The following SLC44A5 variants were observed in gnomAD, a reference collection of about 807,000 sequenced individuals.
SLC44A5 encodes choline transporter-like protein 5.
A neutral mutation model predicts 101.8 loss-of-function variants in SLC44A5; 57 were observed. The ratio of observed to expected loss-of-function variants is 0.56; its 90% CI spans 0.45 to 0.70. The LOEUF (loss-of-function observed/expected upper bound fraction) is 0.70, where lower values mean the gene tolerates loss of function less well. SLC44A5 is among the 30% of genes least tolerant of loss of function. SLC44A5 has a pLI of 0.00. For missense variants in SLC44A5, 737 were observed against 853.1 expected (o/e 0.86, Z 1.70); for synonymous variants, 281 against 290.9 (o/e 0.97, Z 0.35).
At chr1:75,279,411 C>T (rs1652202874) in intron 5 of SLC44A5, among the ~76,000 whole-genome samples, 1 of 152,150 alleles carries the variant, frequency 6.6e-6, no homozygotes, top group Non-Finnish European at 1.5e-5. Flanking sequence ...TCCACCCTAA[C>T]TCAAGCCTTC....
At chr1:75,466,655 T>TAAAAA (rs754658767) in intron 2 of SLC44A5, among the ~76,000 whole-genome samples, 3 of 88,482 alleles carry the variant, frequency 3.4e-5, no homozygotes, top group African/African-American at 4.7e-5. Flanking sequence ...GATGCCATCT[T>TAAAAA]AAAAAAAAAA....
intron 2 of SLC44A5, among the ~76,000 whole-genome samples, chr1:75,418,361 A>G (rs1433114098): frequency 6.6e-6 from 1 of 152,252 alleles, no homozygotes; most frequent in Non-Finnish European, 1.5e-5. Flanking sequence ...GCTTACAAAG[A>G]AAACGTAACT....
In SLC44A5 at chr1:75,203,843, A is replaced by G. The variant is rs1557515634; in HGVS notation, c.2048-10T>C. 1.9e-6 allele frequency: 3 copies of G among 1,545,568 alleles called. No homozygotes were observed. The highest frequency in any genetic ancestry group is 2.6e-6 in the Non-Finnish European group (3 of 1,144,226). On this transcript the variant is annotated splice_polypyrimidine_tract_variant and intron_variant, in intron 23 of 23. Coordinates refer to ENST00000370859, the MANE Select transcript of SLC44A5 (RefSeq NM_001130058.2). Reference sequence around the variant, plus strand: ...CTTTCTAAATCTTCCACTAGGAGGAAGAATGGTACAGAGTAAATATCAAAG... The same window carrying G: ...CTTTCTAAATCTTCCACTAGGAGGAGGAATGGTACAGAGTAAATATCAAAG...
At chr1:75,206,927 C>T (rs1646759305) in intron 23 of SLC44A5, among the ~76,000 whole-genome samples, 1 of 152,098 alleles carries the variant, frequency 6.6e-6, no homozygotes, top group African/African-American at 2.4e-5. Context: ...CTTCCTAAAT[C>T]CCTCCCACTC....
the SLC44A5 span, among the ~76,000 whole-genome samples, chr1:75,623,667 T>C: frequency 1.3e-5 from 2 of 152,106 alleles, no homozygotes; most frequent in Admixed American, 1.3e-4. Flanking sequence ...AGGACCAATG[T>C]GGCTGAAGCT....
chr1:75,277,559 CAG>C (rs1469453787), intron 5 of SLC44A5, among the ~76,000 whole-genome samples: 3 of 152,166 alleles, frequency 2.0e-5, no homozygotes, highest in South Asian at 4.1e-4. Context: ...AGCTTGTTAA[CAG>C]GGGGAAAACA....
At chr1:75,316,439 C>T (rs1655694518) in intron 4 of SLC44A5, among the ~76,000 whole-genome samples, 1 of 152,222 alleles carries the variant, frequency 6.6e-6, no homozygotes, top group Middle Eastern at 3.2e-3. Flanking sequence ...GTGAAGCAAT[C>T]ATTTGCCACA....
chr1:75,582,214 G>A, intron 1 of SLC44A5: 1 of 1,117,362 alleles, frequency 8.9e-7, no homozygotes, highest in Non-Finnish European at 1.3e-6. Flanking sequence ...CCAAGTTCCT[G>A]AGGAACATGC....
At chr1:75,418,600 G>T (rs1008038697) in intron 2 of SLC44A5, among the ~76,000 whole-genome samples, 7 of 152,094 alleles carry the variant, frequency 4.6e-5, no homozygotes, top group African/African-American at 1.4e-4. Flanking sequence ...GGAATAAAAG[G>T]ATTTAGCCAG....
At chr1:75,608,013 C>A (rs1390928604) in intron 1 of SLC44A5, among the ~76,000 whole-genome samples, 1 of 151,920 alleles carries the variant, frequency 6.6e-6, no homozygotes, top group Non-Finnish European at 1.5e-5. Flanking sequence ...TCCCACTCCC[C>A]CAGCCTTTGG....
At chr1:75,206,309 A>G (rs1646748124) in intron 23 of SLC44A5, 1 of 243,960 alleles carries the variant, frequency 4.1e-6, no homozygotes, top group Admixed American at 5.1e-5. Context: ...AAGAAAGGCT[A>G]TTAAAGTGCT....
In SLC44A5 at chr1:75,251,191, G is replaced by A; in HGVS notation, c.345+19C>T. 1.3e-6 allele frequency: 2 copies of A among 1,579,438 alleles called. No homozygotes were observed. Among genetic ancestry groups the A allele is most frequent in the Non-Finnish European group, 1.7e-6 (2 of 1,149,048 alleles). On this transcript the variant is annotated intron_variant, in intron 7 of 23. Coordinates refer to ENST00000370859, the MANE Select transcript of SLC44A5 (RefSeq NM_001130058.2). The stretch of plus-strand genomic sequence containing the variant: ...GTTCAGAACGGCTGACACTACCAGT[G>A]AGGCACCTTTTGCCTTACCTGTGTG...
intron 1 of SLC44A5, among the ~76,000 whole-genome samples, chr1:75,541,828 T>C (rs1055937715): frequency 1.3e-5 from 2 of 152,166 alleles, no homozygotes; most frequent in African/African-American, 4.8e-5. Flanking sequence ...CCCTAACCAG[T>C]TGATATTCTA....
chr1:75,708,256 C>CAA, the SLC44A5 span, among the ~76,000 whole-genome samples: 73 of 135,524 alleles, frequency 5.4e-4, no homozygotes, highest in African/African-American at 1.6e-3. Context: ...ACTGAAAATA[C>CAA]AAAAAAAAAA....
intron 13 of SLC44A5, among the ~76,000 whole-genome samples, chr1:75,226,260 G>C (rs1461314155): frequency 6.6e-6 from 1 of 151,498 alleles, no homozygotes; most frequent in African/African-American, 2.4e-5. Context: ...TTTTTTTTAA[G>C]AGAAAAACTA....
chr1:75,262,077 G>A (rs1290136368), intron 6 of SLC44A5, among the ~76,000 whole-genome samples: 1 of 151,514 alleles, frequency 6.6e-6, no homozygotes, highest in Non-Finnish European at 1.5e-5. Flanking sequence ...TTGAAAACCG[G>A]CACAACACAA....
chr1:75,492,367 A>C (rs1436444998), intron 2 of SLC44A5, among the ~76,000 whole-genome samples: 1 of 152,346 alleles, frequency 6.6e-6, no homozygotes, highest in South Asian at 2.1e-4. Context: ...AGTTTTATTC[A>C]AGAAGACATT....
At chr1:75,457,238 T>C (rs758904535) in intron 2 of SLC44A5, among the ~76,000 whole-genome samples, 8 of 152,238 alleles carry the variant, frequency 5.3e-5, no homozygotes, top group Non-Finnish European at 1.2e-4. Flanking sequence ...GTGCCTACCG[T>C]ATGCTTGGGA....
the SLC44A5 span, among the ~76,000 whole-genome samples, chr1:75,680,872 A>T: frequency 6.6e-6 from 1 of 151,778 alleles, no homozygotes; most frequent in Non-Finnish European, 1.5e-5. Flanking sequence ...TAGCAAGACT[A>T]ATAAAGAAAA....
Sources: gnomAD v4.1 joint callset for allele counts (sites outside exome capture counted in the v4.1 genomes callset) on GRCh38, gnomAD v4.1.1 for gene constraint, MANE v1.5 for transcripts, NCBI Gene and HGNC (gene_info 2026-07-23, HGNC 2026-07-21) for gene names.